The following YAE1 variants were observed in gnomAD, a reference collection of about 807,000 sequenced individuals.
YAE1 encodes the protein protein YAE1 homolog.
Under a neutral mutation model 23.0 loss-of-function variants are expected in YAE1, and 22 were observed. The ratio of observed to expected loss-of-function variants is 0.96; its 90% CI spans 0.68 to 1.37. The LOEUF is 1.37. Among genes scored for constraint, YAE1 ranks in the 40% most tolerant of loss-of-function variants. The pLI is 0.00. For missense variants in YAE1, 260 were observed against 262.1 expected, an observed-to-expected ratio of 0.99 and a Z score of 0.06; for synonymous variants, 101 against 97.0, an observed-to-expected ratio of 1.04 and a Z score of -0.24.
chr7:39,595,327 T>C (rs531385222), intron 2 of YAE1, among the ~76,000 whole-genome samples: 7 of 152,240 alleles, frequency 4.6e-5, no homozygotes, highest in Non-Finnish European at 8.8e-5. Flanking sequence ...AGCGTTTTTC[T>C]GGAGGTTTGA....
At chr7:39,585,114 A>C (rs1261649921) in intron 2 of YAE1, among the ~76,000 whole-genome samples, 1 of 152,178 alleles carries the variant, frequency 6.6e-6, no homozygotes, top group Non-Finnish European at 1.5e-5. Flanking sequence ...TAGACCATAG[A>C]GTATCTCAGG....
intron 2 of YAE1, among the ~76,000 whole-genome samples, chr7:39,578,298 A>G (rs1387090514): frequency 6.6e-6 from 1 of 152,214 alleles, no homozygotes; most frequent in Non-Finnish European, 1.5e-5. Flanking sequence ...AGCTGTCTGT[A>G]AAACAGACCG....
At chr7:39,577,150 C>T (rs570915982), downstream of YAE1, among the ~76,000 whole-genome samples, 1 of 152,350 alleles carries the variant, frequency 6.6e-6, no homozygotes, top group East Asian at 1.9e-4. Context: ...CCCGCCTTGG[C>T]CTCCCAAAGT....
intron 2 of YAE1, among the ~76,000 whole-genome samples, chr7:39,579,879 C>T (rs1790716021): frequency 6.6e-6 from 1 of 151,880 alleles, no homozygotes; most frequent in Non-Finnish European, 1.5e-5. Context: ...AAAAGCCTGT[C>T]ACTACCAAAA....
intron 1 of YAE1, chr7:39,569,985 A>G (rs1790539429): frequency 1.5e-6 from 2 of 1,361,306 alleles, no homozygotes; most frequent in Admixed American, 3.4e-5. Context: ...TCTTCTCCCC[A>G]TTCAGCAAAA....
At chr7:39,568,462 G>T (rs1790511404) in intron 1 of YAE1, among the ~76,000 whole-genome samples, 1 of 151,868 alleles carries the variant, frequency 6.6e-6, no homozygotes, top group African/African-American at 2.4e-5. Context: ...TTCCACATCA[G>T]ACAAAAATCA....
chr7:39,595,822 G>C lies in YAE1; in HGVS notation c.252-13795G>C, dbSNP rs574797520. ...TGAGTTTAAAAATGAAAAGAATAGA[G>C]ATTCAGCACTCAAGGAACTCATTTG... is the stretch of plus-strand genomic sequence containing the variant. On this transcript the variant is annotated intron_variant, in intron 2 of 2. Coordinates refer to the YAE1 transcript ENST00000432096. Among the ~76,000 whole-genome samples, 5 of 152,262 alleles carry C rather than the reference G, an allele frequency of 3.3e-5. No homozygotes were observed. The East Asian group carries it at 9.7e-4, about 29-fold the overall frequency.
At chr7:39,611,337 A>T (rs1791212758), downstream of YAE1, among the ~76,000 whole-genome samples, 1 of 152,108 alleles carries the variant, frequency 6.6e-6, no homozygotes, top group South Asian at 2.1e-4. Flanking sequence ...TCCCAAATGG[A>T]GTTGGTGCTT....
chr7:39,571,879 T>C (rs755748639), intron 2 of YAE1, among the ~76,000 whole-genome samples: 1 of 152,182 alleles, frequency 6.6e-6, no homozygotes, highest in Non-Finnish European at 1.5e-5. Flanking sequence ...TTTTCAACTT[T>C]GGTTGCACCT....
downstream of YAE1, among the ~76,000 whole-genome samples, chr7:39,611,333 A>G (rs1791212686): frequency 6.6e-6 from 1 of 152,146 alleles, no homozygotes; most frequent in South Asian, 2.1e-4. Context: ...AAATTCCCAA[A>G]TGGAGTTGGT....
chr7:39,594,951 A>G (rs1002374447), intron 2 of YAE1, among the ~76,000 whole-genome samples: 1 of 152,166 alleles, frequency 6.6e-6, no homozygotes, highest in African/African-American at 2.4e-5. Flanking sequence ...CATTTGTATC[A>G]TATTTATATA....
intron 1 of YAE1, chr7:39,566,870 T>TATTA: frequency 4.5e-6 from 1 of 222,852 alleles, no homozygotes; most frequent in East Asian, 1.0e-4. Flanking sequence ...CTATACTTAT[T>TATTA]ATGGCTGTCA....
downstream of YAE1, among the ~76,000 whole-genome samples, chr7:39,574,636 G>A (rs1395084232): frequency 6.6e-6 from 1 of 151,650 alleles, no homozygotes; most frequent in East Asian, 1.9e-4. Context: ...GGGAGGCTGA[G>A]GCACAAGGAT....
intron 2 of YAE1, among the ~76,000 whole-genome samples, chr7:39,598,421 T>C (rs1791008929): frequency 6.6e-6 from 1 of 151,748 alleles, no homozygotes; most frequent in African/African-American, 2.4e-5. Context: ...AGTTTTTTTT[T>C]TTTTTTTTAA....
downstream of YAE1, among the ~76,000 whole-genome samples, chr7:39,575,577 A>AGAGAGAGAGAGAGAGAGAGAGAGAGTGT (rs1173016799): frequency 1.4e-4 from 11 of 80,274 alleles, no homozygotes; most frequent in South Asian, 3.9e-3. Flanking sequence ...AGAGAGAGAG[A>AGAGAGAGAGAGAGAGAGAGAGAGAGTGT]GTGAGTGTGT....
At chr7:39,609,908 G>C (rs1791185372) in exon 3 of YAE1, 2 of 1,530,422 alleles carry the variant, frequency 1.3e-6, no homozygotes, top group South Asian at 2.4e-5. Flanking sequence ...GCCCCGCCTG[G>C]CCGCCAGAGG....
exon 3 of YAE1, chr7:39,609,848 C>T: frequency 6.5e-7 from 1 of 1,533,136 alleles, no homozygotes; most frequent in Non-Finnish European, 8.7e-7. Context: ...GGACGCCGAG[C>T]CACCGCCGGC....
At chr7:39,607,606 A>G (rs1170008017) in intron 2 of YAE1, among the ~76,000 whole-genome samples, 1 of 152,240 alleles carries the variant, frequency 6.6e-6, no homozygotes, top group East Asian at 1.9e-4. Context: ...GTTTTAAGCC[A>G]TTAAGTTTGT....
At chr7:39,606,698 CA>C (rs1251749015) in intron 2 of YAE1, among the ~76,000 whole-genome samples, 1 of 54,536 alleles carries the variant, frequency 1.8e-5, no homozygotes, top group African/African-American at 9.3e-5. Flanking sequence ...GACTTAATAC[CA>C]AAAAAGCACT....
Sources: allele counts gnomAD v4.1 joint callset (sites outside exome capture counted in the v4.1 genomes callset), GRCh38; gene constraint gnomAD v4.1.1; transcripts MANE v1.5; gene names NCBI Gene and HGNC (gene_info 2026-07-23, HGNC 2026-07-21).